BPI: variants seen among roughly 807,000 people sequenced by gnomAD.
BPI encodes bactericidal permeability-increasing protein.
Under a neutral mutation model 57.6 loss-of-function variants are expected in BPI, and 48 were observed. The ratio of observed to expected loss-of-function variants is 0.83; its 90% CI spans 0.66 to 1.06. BPI has a LOEUF of 1.06. Ranked by LOEUF, BPI falls within the 50% of genes least tolerant of loss-of-function variation. The pLI is 0.00. For missense variants in BPI, 651 were observed against 609.7 expected, an observed-to-expected ratio of 1.07 and a Z score of -0.71; for synonymous variants, 237 against 238.2, an observed-to-expected ratio of 0.99 and a Z score of 0.05.
At chr20:38,326,979 A>G (rs1002719926) in intron 10 of BPI, among the ~76,000 whole-genome samples, 3 of 152,156 alleles carry the variant, frequency 2.0e-5, no homozygotes, top group African/African-American at 7.2e-5. Flanking sequence ...TCTTCAATTC[A>G]CATATTTTTT....
At chr20:38,308,055 C>T (rs2076605291) in intron 2 of BPI, among the ~76,000 whole-genome samples, 1 of 152,196 alleles carries the variant, frequency 6.6e-6, no homozygotes, top group Non-Finnish European at 1.5e-5. Context: ...TGTCACTGGG[C>T]CCTGTTTCTC....
intron 1 of BPI, among the ~76,000 whole-genome samples, chr20:38,305,456 C>T (rs933774917): frequency 1.3e-5 from 2 of 152,202 alleles, no homozygotes; most frequent in Admixed American, 1.3e-4. Flanking sequence ...CCCTGGCTCA[C>T]ATTCTCCATG....
At chr20:38,336,871 A>G (rs1312879206) in intron 14 of BPI, among the ~76,000 whole-genome samples, 1 of 152,218 alleles carries the variant, frequency 6.6e-6, no homozygotes, top group Non-Finnish European at 1.5e-5. Flanking sequence ...GCCATGAGGC[A>G]GGGACGACAA....
intron 5 of BPI, among the ~76,000 whole-genome samples, chr20:38,313,423 G>T (rs1389852648): frequency 1.4e-5 from 2 of 146,932 alleles, no homozygotes; most frequent in Non-Finnish European, 1.5e-5. Context: ...AGGGTAGGGG[G>T]GACATTAATA....
intron 14 of BPI, among the ~76,000 whole-genome samples, chr20:38,335,920 G>A (rs570694732): frequency 6.8e-4 from 103 of 152,258 alleles, no homozygotes; most frequent in African/African-American, 2.2e-3. Flanking sequence ...TCGTTCCCAC[G>A]CTACACTCGG....
chr20:38,313,520 G>T (rs1486092532), intron 5 of BPI, among the ~76,000 whole-genome samples: 1 of 152,084 alleles, frequency 6.6e-6, no homozygotes, highest in African/African-American at 2.4e-5. Flanking sequence ...CAGTTCAGCT[G>T]TCTGTATAAT....
intron 7 of BPI, among the ~76,000 whole-genome samples, chr20:38,323,663 A>T (rs1182395707): frequency 6.6e-6 from 1 of 152,190 alleles, no homozygotes; most frequent in Non-Finnish European, 1.5e-5. Context: ...AGATGAGCAT[A>T]ATTATACCTG....
intron 13 of BPI, 109 bp from the exon 14 acceptor site, chr20:38,335,489 C>T: frequency 1.0e-6 from 1 of 976,528 alleles, no homozygotes; most frequent in African/African-American, 1.6e-5. Context: ...CTACCTAGGG[C>T]CAGGCATGCT....
intron 11 of BPI, among the ~76,000 whole-genome samples, 171 bp from the exon 12 acceptor site, chr20:38,330,877 T>C (rs2076738733): frequency 2.0e-5 from 3 of 152,084 alleles, no homozygotes; most frequent in African/African-American, 7.2e-5. Flanking sequence ...GCAGGGAATG[T>C]GTGAATTCTC....
At chr20:38,325,930 G>T (rs116070214) in intron 9 of BPI, among the ~76,000 whole-genome samples, 3 of 152,166 alleles carry the variant, frequency 2.0e-5, no homozygotes, top group African/African-American at 7.2e-5. Context: ...CATCTGCAGA[G>T]ACCTGAAGGA....
Position 38,304,163 on chromosome 20 carries a change from A to G in BPI, c.-61A>G. ...GCATTTCCCCAGCCGACTCTTTTAT[A>G]GCTCCCTGGTTCAACCTCAAGGCCT... On this transcript the variant is annotated 5_prime_UTR_variant, in exon 1 of 15. It adds an upstream start codon to the 5' untranslated region. Transcript: ENST00000642449. 2 of 1,605,790 alleles carry G rather than the reference A, an allele frequency of 1.2e-6. No homozygotes were observed. Among genetic ancestry groups the G allele is most frequent in the Non-Finnish European group, 1.7e-6 (2 of 1,174,206 alleles).
intron 5 of BPI, among the ~76,000 whole-genome samples, chr20:38,318,199 TTATGTGGGCC>T (rs1411470071): frequency 6.6e-6 from 1 of 152,046 alleles, no homozygotes; most frequent in Non-Finnish European, 1.5e-5. Flanking sequence ...TAGAATGCAG[TTATGTGGGCC>T]ATACAGTCAT....
chr20:38,329,030 T>TAAATAAATAAAC (rs1166514929), intron 11 of BPI, among the ~76,000 whole-genome samples: 27 of 150,982 alleles, frequency 1.8e-4, no homozygotes, highest in African/African-American at 6.6e-4. Flanking sequence ...AATAAATAAA[T>TAAATAAATAAAC]AAACAAATAG....
At chr20:38,314,426 G>T in intron 5 of BPI, among the ~76,000 whole-genome samples, 1 of 150,592 alleles carries the variant, frequency 6.6e-6, no homozygotes, top group Non-Finnish European at 1.5e-5. Flanking sequence ...TGATGATGAT[G>T]GTGATGGTGG....
chr20:38,326,472 C>T lies in BPI; in HGVS notation c.1161+40C>T, dbSNP rs762031191. On this transcript the variant is annotated intron_variant, in intron 10 of 14. Transcript: ENST00000642449. ...GGTTGGACAGATGAGGAGCCCCAGA[C>T]AGTCCCAACAGCACTGTCTTTGGAG... The T allele has an allele frequency of 1.1e-5, 17 of 1,571,556 alleles. No individual in the cohort carries two copies. The African/African-American group carries it at 1.9e-4, about 18-fold the overall frequency.
In BPI at chr20:38,304,983, G is replaced by A. The variant is rs116114102; in HGVS notation, c.130+630G>A. Among the ~76,000 whole-genome samples the A allele has an allele frequency of 9.7e-3, 1,481 of 152,348 alleles. 22 individuals carry two copies. Among genetic ancestry groups the A allele is most frequent in the African/African-American group, 0.034 (1,412 of 41,570 alleles). ...AAACTGCTGCTATCCACATTTACAC[G>A]TGAGAAGTGGGCAGCCTGGATTTGA... On this transcript the variant is annotated intron_variant, in intron 1 of 14. Coordinates refer to ENST00000642449, the MANE Select transcript of BPI (RefSeq NM_001725.3).
rs1181532761 is a variant in BPI, at chr20:38,318,423, A to G, written c.611A>G (p.Lys204Arg). ...TTTGGTTCTCCCCAGGTCTGCGAGA[A>G]AGTGACCAATTCTGTATCCTCCGAG... Reference protein sequence around the residue: ...RNKMNSQVCEKVTNSVSSELQ... With the variant: ...RNKMNSQVCERVTNSVSSELQ... Residue 204 changes from lysine (K) to arginine (R), a missense_variant, in exon 6 of 15, where the codon AAA becomes AGA. By Grantham distance (26) the Lys-to-Arg change is conservative (BLOSUM62 2). Transcript: ENST00000642449. The G allele has an allele frequency of 4.3e-6, 7 of 1,613,608 alleles. No individual in the cohort carries two copies. The highest frequency in any genetic ancestry group is 2.2e-5 in the East Asian group (1 of 44,894).
At chr20:38,311,806 C>T in intron 4 of BPI, 68 bp from the exon 5 acceptor site, 2 of 1,508,992 alleles carry the variant, frequency 1.3e-6, no homozygotes, top group Non-Finnish European at 1.8e-6. Flanking sequence ...TGAGATGAGG[C>T]AGCCTCCTGA....
chr20:38,305,977 T>C (rs6069673), intron 1 of BPI, among the ~76,000 whole-genome samples: 132,677 of 152,200 alleles, frequency 0.87, 58,815 homozygotes, highest in Non-Finnish European at 0.95. Flanking sequence ...TTAGCCACAT[T>C]ATAACTGGTG....
Sources: gnomAD v4.1 joint callset for allele counts (sites outside exome capture counted in the v4.1 genomes callset) on GRCh38, gnomAD v4.1.1 for gene constraint, MANE v1.5 for transcripts, NCBI Gene and HGNC (gene_info 2026-07-23, HGNC 2026-07-21) for gene names.